Variants in TEX11 observed in about 807,000 individuals in gnomAD.
The protein encoded by TEX11 is testis expressed 11, also known as testis-expressed protein 11.
TEX11 carries 7 observed loss-of-function variants against 84.4 expected under a neutral mutation model. That is an observed-to-expected ratio of 0.08 (90% CI 0.05 to 0.16). TEX11 has a LOEUF of 0.16. Among genes scored for constraint, TEX11 ranks in the 10% least tolerant of loss-of-function variants. The probability of loss-of-function intolerance (pLI) is 1.00; values close to 1 mark genes in which losing one functional copy is unlikely to be tolerated. For synonymous variants in TEX11, 264 were observed against 222.8 expected (o/e 1.18, Z -1.64); for missense variants, 551 against 660.5 (o/e 0.83, Z 1.82).
At chrX:70,617,146 T>C (rs1019220156) in intron 20 of TEX11, among the ~76,000 whole-genome samples, 10 of 110,202 alleles carry the variant, frequency 9.1e-5, no homozygotes, top group Admixed American at 2.9e-4. Flanking sequence ...ATCTACTATG[T>C]ACCCAGAAAA....
intron 2 of TEX11, among the ~76,000 whole-genome samples, chrX:70,898,414 A>G (rs926242725): frequency 2.7e-5 from 3 of 111,030 alleles, no homozygotes; most frequent in Non-Finnish European, 5.7e-5. Context: ...ACTGAGGGAA[A>G]GGAACACGCC....
At chrX:70,811,272 A>G (rs984736187) in intron 8 of TEX11, among the ~76,000 whole-genome samples, 2 of 106,934 alleles carry the variant, frequency 1.9e-5, no homozygotes, top group Admixed American at 1.0e-4. Context: ...GAGAACATGC[A>G]GTGTTTGGTT....
intron 8 of TEX11, among the ~76,000 whole-genome samples, chrX:70,811,056 A>G (rs1248443392): frequency 1.8e-5 from 2 of 111,655 alleles, no homozygotes; most frequent in East Asian, 5.6e-4. Flanking sequence ...TTTAAGTTCT[A>G]GGGTACATGT....
At chrX:70,546,713 G>A (rs1042169202) in intron 28 of TEX11, among the ~76,000 whole-genome samples, 16 of 110,762 alleles carry the variant, frequency 1.4e-4, no homozygotes, top group African/African-American at 5.2e-4. Context: ...ATGAACAATA[G>A]CAAGTGTTGA....
intron 3 of TEX11, among the ~76,000 whole-genome samples, chrX:70,874,395 C>CATT (rs2091644913): frequency 2.1e-5 from 1 of 48,068 alleles, no homozygotes; most frequent in East Asian, 1.0e-3. Context: ...TGATGACTTC[C>CATT]TTTTTTTTTT....
intron 13 of TEX11, among the ~76,000 whole-genome samples, chrX:70,687,604 T>C (rs2090199642): frequency 8.9e-6 from 1 of 111,826 alleles, no homozygotes; most frequent in Non-Finnish European, 1.9e-5. Flanking sequence ...AACTAGTATA[T>C]ACAATAACCA....
At chrX:70,576,454 T>A (rs1353926786) in intron 25 of TEX11, among the ~76,000 whole-genome samples, 2 of 112,450 alleles carry the variant, frequency 1.8e-5, no homozygotes, top group Admixed American at 9.5e-5. Context: ...TCATTTTAAT[T>A]ATTAAAGTAC....
At chrX:70,625,201 C>G (rs995384442) in intron 18 of TEX11, among the ~76,000 whole-genome samples, 37 of 111,004 alleles carry the variant, frequency 3.3e-4, no homozygotes, top group Admixed American at 3.0e-3. Context: ...TTATTGTGCT[C>G]TTTATCCCCC....
intron 25 of TEX11, among the ~76,000 whole-genome samples, chrX:70,570,854 T>A (rs1468012814): frequency 8.9e-6 from 1 of 111,756 alleles, no homozygotes; most frequent in Non-Finnish European, 1.9e-5. Context: ...AATATCCTTT[T>A]TATTGTGATT....
intron 7 of TEX11, among the ~76,000 whole-genome samples, chrX:70,850,895 C>T (rs1270680434): frequency 1.8e-5 from 2 of 111,593 alleles, no homozygotes; most frequent in African/African-American, 3.3e-5. Context: ...CATAGCAAAA[C>T]CTTGTCTCTA....
chrX:70,870,073 G>A (rs1158863264), intron 4 of TEX11, among the ~76,000 whole-genome samples: 3 of 111,429 alleles, frequency 2.7e-5, no homozygotes, highest in East Asian at 2.8e-4. Flanking sequence ...TTGAACATCC[G>A]CTTTACTCTG....
Position 70,839,271 on chromosome X carries a change from G to A in TEX11, c.526-5678C>T, listed in dbSNP as rs770218150. ...GGGCGGACTGACACCTCACACGGCC[G>A]GGTACCCCTCTGAGACAAAACTTCC... On this transcript the variant is annotated intron_variant, in intron 7 of 29. Transcript: ENST00000374333. Among the ~76,000 whole-genome samples, 132 of 111,526 alleles carry A rather than the reference G, an allele frequency of 1.2e-3. 1 individual carries two copies. The highest frequency in any genetic ancestry group is 1.9e-3 in the South Asian group (5 of 2,635).
chrX:70,849,522 A>G (rs11797080), intron 7 of TEX11, among the ~76,000 whole-genome samples: 166 of 112,063 alleles, frequency 1.5e-3, no homozygotes, highest in Non-Finnish European at 2.8e-3. Flanking sequence ...TAAAGCAATT[A>G]TCTAACTGGT....
intron 28 of TEX11, among the ~76,000 whole-genome samples, chrX:70,545,749 C>T (rs2088114832): frequency 9.0e-6 from 1 of 111,665 alleles, no homozygotes; most frequent in African/African-American, 3.3e-5. Flanking sequence ...GTTTTCTTAA[C>T]ACTGGCATCA....
At chrX:70,758,684 C>A (rs2090886326) in intron 9 of TEX11, among the ~76,000 whole-genome samples, 1 of 111,874 alleles carries the variant, frequency 8.9e-6, no homozygotes, top group Admixed American at 9.5e-5. Context: ...CTAAAATTGA[C>A]ACCCTAACAT....
intron 2 of TEX11, among the ~76,000 whole-genome samples, chrX:70,889,182 G>A (rs1013840121): frequency 4.5e-5 from 5 of 110,957 alleles, no homozygotes; most frequent in African/African-American, 1.3e-4. Context: ...TTGGGAGGCC[G>A]AGGTGGGTGG....
intron 13 of TEX11, among the ~76,000 whole-genome samples, chrX:70,686,948 C>T (rs922108241): frequency 4.5e-5 from 5 of 111,364 alleles, no homozygotes; most frequent in African/African-American, 1.6e-4. Flanking sequence ...AAAGAAGTAC[C>T]TTATTTATAC....
chrX:70,825,395 T>C (rs768801692), intron 8 of TEX11, among the ~76,000 whole-genome samples: 17 of 109,334 alleles, frequency 1.6e-4, no homozygotes, highest in Non-Finnish European at 3.2e-4. Flanking sequence ...TATATGACAA[T>C]GCTTGAAAAT....
At chrX:70,732,191 T>G (rs375140251) in intron 11 of TEX11, among the ~76,000 whole-genome samples, 1 of 111,674 alleles carries the variant, frequency 9.0e-6, no homozygotes, top group Admixed American at 9.5e-5. Context: ...ACCCACAGCC[T>G]ATATCATACT....
Sources: allele counts gnomAD v4.1 joint callset (sites outside exome capture counted in the v4.1 genomes callset), GRCh38; gene constraint gnomAD v4.1.1; transcripts MANE v1.5; gene names NCBI Gene and HGNC (gene_info 2026-07-23, HGNC 2026-07-21).